HCRTR2: variants seen among roughly 807,000 people sequenced by gnomAD.
HCRTR2 encodes the protein orexin receptor type 2.
HCRTR2 carries 22 observed loss-of-function variants against 49.0 expected under a neutral mutation model. The ratio of observed to expected loss-of-function variants is 0.45; its 90% CI spans 0.32 to 0.64. The LOEUF is 0.64. Ranked by LOEUF, HCRTR2 falls within the 30% of genes least tolerant of loss-of-function variation. The pLI, the probability that HCRTR2 is intolerant of heterozygous loss-of-function variation, is 0.04. For synonymous variants in HCRTR2, 236 were observed against 205.3 expected (o/e 1.15, Z -1.28); for missense variants, 491 against 559.4 (o/e 0.88, Z 1.23).
At chr6:55,254,661 GTTAA>G (rs917168138) in intron 2 of HCRTR2, among the ~76,000 whole-genome samples, 5 of 151,846 alleles carry the variant, frequency 3.3e-5, no homozygotes, top group African/African-American at 1.2e-4. Flanking sequence ...ATTTAAAAAT[GTTAA>G]TTAAATATAA....
At chr6:55,146,673 T>C (rs1764584864) in intron 1 of HCRTR2, among the ~76,000 whole-genome samples, 1 of 152,076 alleles carries the variant, frequency 6.6e-6, no homozygotes, top group Admixed American at 6.6e-5. Flanking sequence ...TTTCTCTACA[T>C]TATTCTGCCT....
chr6:55,192,947 C>T (rs1219481006), intron 1 of HCRTR2, among the ~76,000 whole-genome samples: 3 of 152,176 alleles, frequency 2.0e-5, no homozygotes, highest in East Asian at 3.9e-4. Context: ...GGACTGACTC[C>T]TTTGGAAGCT....
At chr6:55,277,913 C>T (rs527566352) in intron 5 of HCRTR2, among the ~76,000 whole-genome samples, 1 of 152,294 alleles carries the variant, frequency 6.6e-6, no homozygotes, top group South Asian at 2.1e-4. Flanking sequence ...AACTCATTTA[C>T]AGCTTGCAGT....
chr6:55,205,336 A>G (rs1308603681), intron 1 of HCRTR2, among the ~76,000 whole-genome samples: 3 of 152,170 alleles, frequency 2.0e-5, no homozygotes, highest in Non-Finnish European at 4.4e-5. Context: ...AGACAAGAAA[A>G]TGTGAGAGAT....
chr6:55,211,842 G>A (rs1765701140), intron 1 of HCRTR2, among the ~76,000 whole-genome samples: 1 of 152,120 alleles, frequency 6.6e-6, no homozygotes, highest in South Asian at 2.1e-4. Flanking sequence ...ATATGTTCTT[G>A]CACAGCATGC....
intron 1 of HCRTR2, among the ~76,000 whole-genome samples, chr6:55,108,248 G>T (rs570764949): frequency 6.6e-6 from 1 of 152,166 alleles, no homozygotes; most frequent in South Asian, 2.1e-4. Context: ...TGGATAGGAG[G>T]TAGGACTAAC....
intron 1 of HCRTR2, among the ~76,000 whole-genome samples, chr6:55,218,511 A>G (rs1339360935): frequency 3.9e-5 from 6 of 152,222 alleles, no homozygotes; most frequent in African/African-American, 1.4e-4. Flanking sequence ...AAGAAGTACA[A>G]GGAGCCCACT....
intron 5 of HCRTR2, among the ~76,000 whole-genome samples, chr6:55,278,090 G>C (rs1767114425): frequency 6.6e-6 from 1 of 152,112 alleles, no homozygotes; most frequent in Admixed American, 6.6e-5. Context: ...AAGCCATCAA[G>C]GCAGATATGT....
In HCRTR2 at chr6:55,248,754, C is replaced by G. The variant is rs200340125; in HGVS notation, c.339C>G (p.Val113=). The G allele has an allele frequency of 1.9e-6, 3 of 1,613,424 alleles. No homozygotes were observed. In the African/African-American group the frequency reaches 4.0e-5, roughly 22 times the overall value. ...TCACCTGCCTTCCAGCCACACTGGT[C>G]GTGGATATCACTGAGACCTGGTTTT... ...VTITCLPATL[V]VDITETWFFG... is the part of the protein sequence containing the mutation. Residue 113 remains valine (V), a synonymous_variant, in exon 2 of 7, where the codon GTC becomes GTG. Coordinates refer to ENST00000370862, the MANE Select transcript of HCRTR2 (RefSeq NM_001384272.1).
intron 1 of HCRTR2, among the ~76,000 whole-genome samples, chr6:55,203,291 A>T (rs572416491): frequency 6.6e-6 from 1 of 152,170 alleles, no homozygotes; most frequent in Admixed American, 6.5e-5. Flanking sequence ...GAATAGCTTA[A>T]TTTTTCCTGA....
At chr6:55,212,143 A>T (rs1479510465) in intron 1 of HCRTR2, among the ~76,000 whole-genome samples, 2 of 152,208 alleles carry the variant, frequency 1.3e-5, no homozygotes, top group East Asian at 3.8e-4. Flanking sequence ...CTGTGCGAAG[A>T]TTGAGAATGA....
At chr6:55,259,802 G>A (rs1327854623) in intron 3 of HCRTR2, among the ~76,000 whole-genome samples, 1 of 151,892 alleles carries the variant, frequency 6.6e-6, no homozygotes, top group Non-Finnish European at 1.5e-5. Flanking sequence ...TTATATTCTA[G>A]GTTATATACA....
intron 1 of HCRTR2, among the ~76,000 whole-genome samples, chr6:55,223,922 G>T (rs1403326468): frequency 6.6e-6 from 1 of 152,158 alleles, no homozygotes; most frequent in Admixed American, 6.5e-5. Flanking sequence ...CAATCTGCAT[G>T]ACAAATTTCT....
At chr6:55,178,510 C>A (rs1452418590) in intron 1 of HCRTR2, among the ~76,000 whole-genome samples, 1 of 152,086 alleles carries the variant, frequency 6.6e-6, no homozygotes, top group Non-Finnish European at 1.5e-5. Flanking sequence ...GGGACACAGG[C>A]ATATACATAT....
intron 1 of HCRTR2, among the ~76,000 whole-genome samples, chr6:55,151,104 A>G (rs1305668246): frequency 1.3e-5 from 2 of 151,934 alleles, no homozygotes; most frequent in Non-Finnish European, 2.9e-5. Flanking sequence ...TTTGCAGACC[A>G]CTGGGTCTTG....
intron 1 of HCRTR2, among the ~76,000 whole-genome samples, chr6:55,188,318 C>T (rs1325968920): frequency 5.3e-5 from 8 of 152,050 alleles, no homozygotes; most frequent in Non-Finnish European, 8.8e-5. Context: ...GAAAGAGGAG[C>T]GAGGAATACA....
At chr6:55,108,123 A>G (rs1763999552) in intron 1 of HCRTR2, among the ~76,000 whole-genome samples, 1 of 152,182 alleles carries the variant, frequency 6.6e-6, no homozygotes, top group South Asian at 2.1e-4. Context: ...TTGTTTTAAA[A>G]CATGCTACAT....
At chr6:55,170,474 T>G (rs930958873), upstream of HCRTR2, among the ~76,000 whole-genome samples, 24 of 151,854 alleles carry the variant, frequency 1.6e-4, no homozygotes, top group African/African-American at 5.3e-4. Flanking sequence ...GTCCTCTCTT[T>G]TAGCTATTTT....
At chr6:55,171,650 T>C (rs1581806146), upstream of HCRTR2, among the ~76,000 whole-genome samples, 1 of 152,190 alleles carries the variant, frequency 6.6e-6, no homozygotes, top group South Asian at 2.1e-4. Context: ...AAATCATAGA[T>C]AGAAGGAAAT....
Sources: gnomAD v4.1 joint callset for allele counts (sites outside exome capture counted in the v4.1 genomes callset) on GRCh38, gnomAD v4.1.1 for gene constraint, MANE v1.5 for transcripts, NCBI Gene and HGNC (gene_info 2026-07-23, HGNC 2026-07-21) for gene names.